Variants in BTRC observed in about 807,000 individuals in gnomAD.
BTRC encodes the protein F-box/WD repeat-containing protein 1A.
Under a neutral mutation model 85.5 loss-of-function variants are expected in BTRC, and 42 were observed. The observed-to-expected ratio is 0.49, with a 90% CI of 0.38 to 0.64. The LOEUF is 0.64. BTRC is among the 30% of genes least tolerant of loss of function. BTRC has a pLI of 0.00. For missense variants in BTRC, 594 were observed against 743.5 expected, an observed-to-expected ratio of 0.80 and a Z score of 2.34; for synonymous variants, 255 against 263.3, an observed-to-expected ratio of 0.97 and a Z score of 0.30.
rs144822884 is a variant in BTRC at position 101,494,998 on chromosome 10, G to C, written c.324+15541G>C. ...AGGCTTTACGTTGAAAAAGGTCTCT[G>C]TCATCCAGGGGGTTATTTAATGCTA... is the stretch of plus-strand genomic sequence containing the variant. On this transcript the variant is annotated intron_variant, in intron 4 of 14. Transcript: ENST00000370187. 5.0e-3 allele frequency among the ~76,000 whole-genome samples: 760 copies of C among 152,310 alleles called. 8 individuals are homozygous for C. Among genetic ancestry groups the C allele is most frequent in the African/African-American group, 0.017 (715 of 41,576 alleles).
At chr10:101,395,378 T>C (rs922746535) in intron 1 of BTRC, among the ~76,000 whole-genome samples, 21 of 152,336 alleles carry the variant, frequency 1.4e-4, no homozygotes, top group Admixed American at 1.2e-3. Context: ...CTTCCTCCCT[T>C]GACTGTAAGT....
intron 2 of BTRC, among the ~76,000 whole-genome samples, chr10:101,432,842 G>A (rs1412509506): frequency 6.6e-6 from 1 of 152,148 alleles, no homozygotes; most frequent in Non-Finnish European, 1.5e-5. Flanking sequence ...CTGCCTCCCA[G>A]CCGCAGTGTG....
intron 1 of BTRC, among the ~76,000 whole-genome samples, chr10:101,359,785 A>T (rs1590195978): frequency 6.6e-6 from 1 of 152,110 alleles, no homozygotes; most frequent in African/African-American, 2.4e-5. Context: ...TTTTTGGTAG[A>T]GACAGGGCTT....
intron 4 of BTRC, among the ~76,000 whole-genome samples, chr10:101,485,865 G>A (rs1203258892): frequency 6.6e-6 from 1 of 152,164 alleles, no homozygotes; most frequent in Non-Finnish European, 1.5e-5. Flanking sequence ...AGGGATGAAA[G>A]AAGAAAGTTC....
chr10:101,399,648 A>T (rs939126977), intron 1 of BTRC, among the ~76,000 whole-genome samples: 5 of 152,176 alleles, frequency 3.3e-5, no homozygotes, highest in Non-Finnish European at 5.9e-5. Flanking sequence ...AGATTTGCAA[A>T]CAGAAGTTTG....
chr10:101,485,709 C>T (rs778418342), intron 4 of BTRC, among the ~76,000 whole-genome samples: 9 of 152,134 alleles, frequency 5.9e-5, no homozygotes, highest in Non-Finnish European at 1.2e-4. Flanking sequence ...CTGACTGAGG[C>T]ACTTCAAGAT....
chr10:101,377,681 A>G (rs949043365), intron 1 of BTRC, among the ~76,000 whole-genome samples: 1 of 152,236 alleles, frequency 6.6e-6, no homozygotes, highest in African/African-American at 2.4e-5. Context: ...AAGATAATGC[A>G]TGGTCATGAG....
chr10:101,515,468 C>G (rs1406716807), intron 4 of BTRC, among the ~76,000 whole-genome samples: 1 of 151,776 alleles, frequency 6.6e-6, no homozygotes, highest in East Asian at 1.9e-4. Flanking sequence ...TTTCCCTCAG[C>G]AATGTTTTAT....
chr10:101,407,314 C>A (rs117860945), intron 1 of BTRC, among the ~76,000 whole-genome samples: 342 of 152,260 alleles, frequency 2.2e-3, no homozygotes, highest in South Asian at 5.0e-3. Flanking sequence ...TACCACTGCA[C>A]TCCATCCTGG....
chr10:101,407,693 C>T (rs555803548), intron 1 of BTRC, among the ~76,000 whole-genome samples: 22 of 149,822 alleles, frequency 1.5e-4, no homozygotes, highest in Non-Finnish European at 3.0e-4. Flanking sequence ...CCCAGCCTAA[C>T]ACAGTGTAGT....
At chr10:101,550,999 C>A in intron 14 of BTRC, 108 bp downstream of exon 14, 1 of 1,027,650 alleles carries the variant, frequency 9.7e-7, no homozygotes. Flanking sequence ...TCACCAACTC[C>A]TGTAAAGCCG....
intron 1 of BTRC, among the ~76,000 whole-genome samples, chr10:101,393,664 G>C (rs11190988): frequency 0.051 from 7,798 of 152,254 alleles, 567 homozygotes; most frequent in East Asian, 0.4. Context: ...TTTGGTCACA[G>C]AGAAGTCTTC....
chr10:101,468,504 A>G (rs1049928127), intron 3 of BTRC, among the ~76,000 whole-genome samples: 1 of 152,170 alleles, frequency 6.6e-6, no homozygotes, highest in Non-Finnish European at 1.5e-5. Context: ...CTTTGCATCT[A>G]TTGAACAAGA....
At chr10:101,375,737 A>C (rs1161949107) in intron 1 of BTRC, among the ~76,000 whole-genome samples, 3 of 152,238 alleles carry the variant, frequency 2.0e-5, no homozygotes, top group Non-Finnish European at 4.4e-5. Context: ...TTTACCCTGT[A>C]TAGGAATTAT....
chr10:101,381,845 C>T (rs1942936450), intron 1 of BTRC, among the ~76,000 whole-genome samples: 1 of 151,740 alleles, frequency 6.6e-6, no homozygotes, highest in African/African-American at 2.4e-5. Flanking sequence ...ACAAGAGCAT[C>T]CTTATTCCTA....
In BTRC at chr10:101,470,010, A is replaced by G. The variant is rs775269208; in HGVS notation, c.234+7952A>G. Among the ~76,000 whole-genome samples, 91 of 152,214 alleles carry G rather than the reference A, an allele frequency of 6.0e-4. 1 individual carries two copies. Among genetic ancestry groups the G allele is most frequent in the Middle Eastern group, 3.2e-3 (1 of 316 alleles). On this transcript the variant is annotated intron_variant, in intron 3 of 14. Transcript: ENST00000370187. ...GGATATCTGAGCCATTTCCATCATT[A>G]TAAGTGAAGTTACTATGAACGTTCT...
At chr10:101,463,105 G>A (rs1156978441) in intron 3 of BTRC, among the ~76,000 whole-genome samples, 2 of 151,834 alleles carry the variant, frequency 1.3e-5, no homozygotes, top group Non-Finnish European at 2.9e-5. Flanking sequence ...GAGTGCAGTG[G>A]TGTGATCTTG....
intron 1 of BTRC, among the ~76,000 whole-genome samples, chr10:101,392,000 G>A (rs1943246832): frequency 6.6e-6 from 1 of 150,992 alleles, no homozygotes; most frequent in Admixed American, 6.6e-5. Context: ...TTTTTTTTGA[G>A]ACGGAGGCTT....
chr10:101,397,032 G>A lies in BTRC; in HGVS notation c.49-33313G>A, dbSNP rs548877415. Among the ~76,000 whole-genome samples the A allele has an allele frequency of 1.2e-4, 19 of 152,258 alleles. No individual in the cohort carries two copies. The South Asian group carries it at 3.7e-3, about 30-fold the overall frequency. ...TTGGCCAGGTTGGTCTCAAAGTCCT[G>A]ACCACAGGTGATCCACTCGCCTCGG... On this transcript the variant is annotated intron_variant, in intron 1 of 14. Coordinates refer to ENST00000370187, the MANE Select transcript of BTRC (RefSeq NM_033637.4).
Sources: gnomAD v4.1 joint callset for allele counts (sites outside exome capture counted in the v4.1 genomes callset) on GRCh38, gnomAD v4.1.1 for gene constraint, MANE v1.5 for transcripts, NCBI Gene and HGNC (gene_info 2026-07-23, HGNC 2026-07-21) for gene names.